The following MLLT10 variants were observed in gnomAD, a reference collection of about 807,000 sequenced individuals.
MLLT10 encodes the protein MLLT10 histone lysine methyltransferase DOT1L cofactor, also known as protein AF-10.
MLLT10 carries 30 observed loss-of-function variants against 129.1 expected under a neutral mutation model. The observed-to-expected ratio is 0.23, with a 90% CI of 0.17 to 0.32. MLLT10 has a LOEUF of 0.32. Among genes scored for constraint, MLLT10 ranks in the 10% least tolerant of loss-of-function variants. The pLI, the probability that MLLT10 is intolerant of heterozygous loss-of-function variation, is 1.00. For synonymous variants in MLLT10, 490 were observed against 446.4 expected (o/e 1.10, Z -1.23); for missense variants, 1,119 against 1,268.3 (o/e 0.88, Z 1.79).
intron 13 of MLLT10, among the ~76,000 whole-genome samples, chr10:21,712,282 TG>T (rs2056174149): frequency 6.6e-6 from 1 of 152,004 alleles, no homozygotes; most frequent in Non-Finnish European, 1.5e-5. Context: ...AATCACGGCA[TG>T]GTTCACTACA....
intron 14 of MLLT10, among the ~76,000 whole-genome samples, chr10:21,721,325 G>T (rs1323326533): frequency 6.6e-6 from 1 of 152,094 alleles, no homozygotes; most frequent in Non-Finnish European, 1.5e-5. Context: ...ATTTTCATCG[G>T]TATTAGTCTT....
chr10:21,700,095 G>A (rs570725792), intron 13 of MLLT10, among the ~76,000 whole-genome samples: 13 of 149,228 alleles, frequency 8.7e-5, no homozygotes, highest in African/African-American at 1.5e-4. Flanking sequence ...TCACCTACTC[G>A]GTTAAATGTA....
intron 13 of MLLT10, chr10:21,708,738 A>G (rs890171432): frequency 1.6e-5 from 16 of 985,236 alleles, no homozygotes; most frequent in African/African-American, 3.5e-5. Context: ...TTGCTTCTCA[A>G]TATTATTCTT....
At chr10:21,655,986 G>A (rs1294809070) in intron 9 of MLLT10, among the ~76,000 whole-genome samples, 2 of 152,116 alleles carry the variant, frequency 1.3e-5, no homozygotes, top group East Asian at 1.9e-4. Context: ...GATGAGGCAG[G>A]TGAGGATGGA....
chr10:21,596,635 A>T (rs977581951), intron 5 of MLLT10, among the ~76,000 whole-genome samples: 5 of 135,764 alleles, frequency 3.7e-5, no homozygotes, highest in Non-Finnish European at 6.2e-5. Flanking sequence ...TCTTTCTAGT[A>T]AAAAAAAAAA....
At chr10:21,580,407 G>A (rs78721931) in intron 3 of MLLT10, among the ~76,000 whole-genome samples, 11 of 119,002 alleles carry the variant, frequency 9.2e-5, no homozygotes. Context: ...TTTTTTTTTC[G>A]AGATGGAGTC....
chr10:21,551,083 C>T (rs557559972), intron 3 of MLLT10, among the ~76,000 whole-genome samples: 12 of 151,734 alleles, frequency 7.9e-5, no homozygotes, highest in South Asian at 6.2e-4. Flanking sequence ...CGCGCCACCA[C>T]GCCCGGCTGA....
chr10:21,660,984 T>A (rs11012765), intron 9 of MLLT10, among the ~76,000 whole-genome samples: 22,378 of 152,094 alleles, frequency 0.15, 1,736 homozygotes, highest in East Asian at 0.3. Flanking sequence ...CTGACAAATT[T>A]TTATGTTTTA....
At chr10:21,542,574 A>AT (rs1554780438) in intron 3 of MLLT10, among the ~76,000 whole-genome samples, 4 of 152,046 alleles carry the variant, frequency 2.6e-5, no homozygotes, top group African/African-American at 7.2e-5. Flanking sequence ...GTCTCAAAAA[A>AT]ATATATATAT....
intron 22 of MLLT10, among the ~76,000 whole-genome samples, chr10:21,740,834 C>T (rs554907242): frequency 9.9e-5 from 15 of 152,262 alleles, no homozygotes; most frequent in Non-Finnish European, 1.8e-4. Flanking sequence ...ATTTTAAGGC[C>T]GTTTCGATTA....
chr10:21,538,233 T>C (rs1409444202), intron 2 of MLLT10, among the ~76,000 whole-genome samples: 2 of 151,516 alleles, frequency 1.3e-5, no homozygotes, highest in African/African-American at 4.9e-5. Context: ...GGTGCGATCT[T>C]ACCTCACTGC....
At position 21,699,016 on chromosome 10, in the gene MLLT10, A is replaced by G. The variant is rs368622709; in HGVS notation, c.1700-14756A>G. ...CAGCCCCCGTAGTAGCTGGGATTACAGGCACGTGCCATCATGCCCAGCTAA... is the reference window on the plus strand; with the variant it reads ...CAGCCCCCGTAGTAGCTGGGATTACGGGCACGTGCCATCATGCCCAGCTAA... On this transcript the variant is annotated intron_variant, in intron 13 of 22. Transcript: ENST00000307729. Among the ~76,000 whole-genome samples the G allele has an allele frequency of 4.6e-5, 7 of 152,302 alleles. No homozygotes were observed. In the South Asian group the frequency reaches 1.0e-3, roughly 23 times the overall value.
chr10:21,541,374 T>C (rs2130904641), intron 3 of MLLT10: 1 of 151,942 alleles, frequency 6.6e-6, no homozygotes, highest in African/African-American at 2.4e-5. Context: ...CTGTAGCACT[T>C]AACACCCAGC....
chr10:21,649,683 C>T (rs2048836765), intron 8 of MLLT10, among the ~76,000 whole-genome samples: 1 of 152,202 alleles, frequency 6.6e-6, no homozygotes, highest in African/African-American at 2.4e-5. Context: ...TCCATTTGGC[C>T]TCTCTATGAG....
chr10:21,717,288 G>C (rs2056651580), intron 14 of MLLT10, among the ~76,000 whole-genome samples: 1 of 141,706 alleles, frequency 7.1e-6, no homozygotes, highest in African/African-American at 2.6e-5. Flanking sequence ...TTGTTCCCTG[G>C]AAAGTGGTCA....
chr10:21,670,667 A>G lies in MLLT10; in HGVS notation c.1014A>G (p.Pro338=), dbSNP rs2051302186. The G allele has an allele frequency of 6.2e-7, 1 of 1,614,052 alleles. No homozygotes were observed. The highest frequency in any genetic ancestry group is 1.3e-5 in the African/African-American group (1 of 74,948). ...RGRKPGGGRN[P]GTTVSAASPF... ...GAAAGCCTGGTGGTGGAAGAAATCC[A>G]GGAACAACTGTGTCAGCAGCTAGCC... The change falls in exon 10 of 23, where the codon CCA becomes CCG. Residue 338 remains proline (P), a synonymous_variant. Transcript: ENST00000307729.
intron 16 of MLLT10, 34 bp from the exon 17 acceptor site, chr10:21,730,866 C>T: frequency 6.2e-7 from 1 of 1,612,972 alleles, no homozygotes; most frequent in Non-Finnish European, 8.5e-7. Flanking sequence ...AAAAGCATTC[C>T]CCTTCTTTTT....
rs919238413 is a variant in MLLT10, at chr10:21,619,920, T to C, written c.699+2713T>C. 5.3e-5 allele frequency among the ~76,000 whole-genome samples: 8 copies of C among 151,524 alleles called. No individual in the cohort carries two copies. In the South Asian group the frequency reaches 8.3e-4, roughly 16 times the overall value. ...CCTCCTTACCTCTTTTAAGTTTTTT[T>C]TTCTTTTTCTTTTCTTTTTTTTTTT... is the stretch of plus-strand genomic sequence containing the variant. On this transcript the variant is annotated intron_variant, in intron 8 of 22. Transcript: ENST00000307729.
intron 11 of MLLT10, among the ~76,000 whole-genome samples, chr10:21,675,574 TTA>T (rs1420888125): frequency 2.0e-5 from 3 of 152,348 alleles, no homozygotes; most frequent in South Asian, 2.1e-4. Flanking sequence ...ATGCTTTTAT[TTA>T]TATGTTTCCT....
Sources: allele counts gnomAD v4.1 joint callset (sites outside exome capture counted in the v4.1 genomes callset), GRCh38; gene constraint gnomAD v4.1.1; transcripts MANE v1.5; gene names NCBI Gene and HGNC (gene_info 2026-07-23, HGNC 2026-07-21).